Variants in LOC122513141 observed in about 807,000 individuals in gnomAD.
At chr9:137,219,210 G>A in the LOC122513141 span, 1 of 152,422 alleles carries the variant, frequency 6.6e-6, no homozygotes, top group African/African-American at 2.4e-5. Context: ...TGTTGCAGGG[G>A]ACAAGGGCCC....
chr9:137,218,766 C>G, the LOC122513141 span: 2 of 397,040 alleles, frequency 5.0e-6, no homozygotes, highest in Non-Finnish European at 8.9e-6. Context: ...AACCCACAAC[C>G]AGGGCTACCC....
At chr9:137,218,178 C>T in the LOC122513141 span, 5 of 398,378 alleles carry the variant, frequency 1.3e-5, no homozygotes, top group African/African-American at 2.1e-5. Flanking sequence ...CTGCTGGGCT[C>T]GGCCTCCAGT....
chr9:137,218,300 C>A, the LOC122513141 span: 1 of 398,324 alleles, frequency 2.5e-6, no homozygotes. Context: ...GCCCTCACGC[C>A]AGCCCCGCCG....
the LOC122513141 span, chr9:137,218,743 C>T: frequency 2.5e-6 from 1 of 397,320 alleles, no homozygotes; most frequent in Non-Finnish European, 4.4e-6. Context: ...TCAATCAAGA[C>T]CTCCCATTGC....
At chr9:137,219,142 A>G in the LOC122513141 span, 1 of 152,696 alleles carries the variant, frequency 6.5e-6, no homozygotes, top group Non-Finnish European at 1.5e-5. Flanking sequence ...TTCAGCCTGC[A>G]AAGGCTCCTC....
At chr9:137,217,805 G>C in the LOC122513141 span, 2 of 397,280 alleles carry the variant, frequency 5.0e-6, no homozygotes, top group Non-Finnish European at 8.9e-6. Context: ...CACCACCCCT[G>C]AACTGTGCCC....
chr9:137,218,954 G>A, the LOC122513141 span: 21 of 257,344 alleles, frequency 8.2e-5, no homozygotes, highest in Admixed American at 6.6e-4. Context: ...GGCTGACGCC[G>A]GCCACACTTC....
the LOC122513141 span, chr9:137,218,858 A>G: frequency 2.6e-6 from 1 of 384,494 alleles, no homozygotes. Context: ...GCCCAAGGAC[A>G]GCTCCTGGAG....
chr9:137,217,875 CCT>C, the LOC122513141 span: 1 of 398,102 alleles, frequency 2.5e-6, no homozygotes, highest in Non-Finnish European at 4.4e-6. Flanking sequence ...CCACCTGGGT[CCT>C]CTCTGGGCCC....
At chr9:137,217,530 T>G in the LOC122513141 span, 2 of 156,244 alleles carry the variant, frequency 1.3e-5, no homozygotes, top group Non-Finnish European at 1.4e-5. Context: ...TGATCTGTCG[T>G]CGGCGGGTCG....
chr9:137,217,857 C>A, the LOC122513141 span: 10 of 398,142 alleles, frequency 2.5e-5, no homozygotes, highest in African/African-American at 1.6e-4. Flanking sequence ...AGCTCTGGGC[C>A]TGTCAGTCCA....
the LOC122513141 span, chr9:137,218,915 T>G: frequency 3.7e-5 from 12 of 321,558 alleles, no homozygotes; most frequent in Non-Finnish European, 6.2e-5. Flanking sequence ...CCATTCACCC[T>G]GCGGCAGACG....
At chr9:137,218,122 C>T in the LOC122513141 span, 2 of 398,028 alleles carry the variant, frequency 5.0e-6, no homozygotes, top group African/African-American at 4.1e-5. Context: ...GCCGCCTGGC[C>T]CTGCTGAACT....
the LOC122513141 span, chr9:137,217,691 C>T: frequency 4.1e-5 from 13 of 316,702 alleles, no homozygotes; most frequent in Non-Finnish European, 7.5e-5. Context: ...GCCGGGAGGT[C>T]AGTGCCAGAG....
the LOC122513141 span, chr9:137,219,308 T>C: frequency 6.6e-6 from 1 of 151,760 alleles, no homozygotes; most frequent in Admixed American, 6.6e-5. Flanking sequence ...CAGCGAGAGA[T>C]GGAGGACTGA....
At chr9:137,218,516 C>T in the LOC122513141 span, 6 of 400,840 alleles carry the variant, frequency 1.5e-5, no homozygotes, top group Admixed American at 4.4e-5. Flanking sequence ...CCTGCTGGCC[C>T]TTGAGCTTCT....
chr9:137,218,134 TA>T, the LOC122513141 span: 1 of 397,892 alleles, frequency 2.5e-6, no homozygotes, highest in East Asian at 3.6e-5. Flanking sequence ...TGCTGAACTG[TA>T]GCCACGGCCT....
chr9:137,217,946 C>A, the LOC122513141 span: 1 of 398,658 alleles, frequency 2.5e-6, no homozygotes, highest in East Asian at 3.6e-5. Context: ...CCTTGGGCAC[C>A]CCCAAGGTGC....
the LOC122513141 span, chr9:137,218,815 G>A: frequency 2.5e-6 from 1 of 395,326 alleles, no homozygotes; most frequent in Non-Finnish European, 4.5e-6. Context: ...CTGCACTGCT[G>A]CCCAGACACT....
Sources: allele counts gnomAD v4.1 joint callset, GRCh38; gene constraint gnomAD v4.1.1; transcripts MANE v1.5.